The following SEPTIN11 variants were observed in gnomAD, a reference collection of about 807,000 sequenced individuals.
SEPTIN11 encodes septin-11.
SEPTIN11 carries 25 observed loss-of-function variants against 51.4 expected under a neutral mutation model. The observed-to-expected ratio is 0.49, with a 90% CI of 0.35 to 0.68. The LOEUF (loss-of-function observed/expected upper bound fraction) is 0.68. Among genes scored for constraint, SEPTIN11 ranks in the 30% least tolerant of loss-of-function variants. The probability of loss-of-function intolerance (pLI) is 0.00; values close to 1 mark genes in which losing one functional copy is unlikely to be tolerated. For missense variants in SEPTIN11, 381 were observed against 520.8 expected (o/e 0.73, Z 2.61); for synonymous variants, 174 against 184.1 (o/e 0.95, Z 0.44).
At chr4:77,031,060 T>C (rs1217038061) in intron 9 of SEPTIN11, 90 bp downstream of exon 9, 1 of 1,202,568 alleles carries the variant, frequency 8.3e-7, no homozygotes, top group Admixed American at 2.9e-5. Context: ...GACTGGAAAC[T>C]GGTCCTTTAC....
In SEPTIN11 at chr4:76,969,995, C is replaced by T. The variant is rs556580646; in HGVS notation, c.27+20065C>T. ...ATTTCTGCAAAAATGCCCTTCCATACTTCTGTTCCCTTCAGAATAAATAAC... is the reference window on the plus strand; with the variant it reads ...ATTTCTGCAAAAATGCCCTTCCATATTTCTGTTCCCTTCAGAATAAATAAC... On this transcript the variant is annotated intron_variant, in intron 1 of 9. Transcript: ENST00000264893. Among the ~76,000 whole-genome samples the T allele has an allele frequency of 2.0e-5, 3 of 152,280 alleles. No homozygotes were observed. The East Asian group carries it at 5.8e-4, about 29-fold the overall frequency.
At position 77,037,473 on chromosome 4, in the gene SEPTIN11, A is replaced by T; in HGVS notation, c.*2961A>T. On this transcript the variant is annotated 3_prime_UTR_variant, in exon 10 of 10. Transcript: ENST00000264893. ...CAAGGCAAATAAAGCCAGAATGAGA[A>T]ATTACCATCTTCTACTAGAGAAAAC... The T allele has an allele frequency of 1.0e-6, 1 of 985,362 alleles. No individual in the cohort carries two copies. The highest frequency in any genetic ancestry group is 1.2e-6 in the Non-Finnish European group (1 of 829,864). 61.0% of individuals were successfully genotyped at this position (985,362 alleles called of 1,614,324 possible).
intron 5 of SEPTIN11, among the ~76,000 whole-genome samples, chr4:77,018,567 T>C (rs564710962): frequency 2.0e-5 from 3 of 152,202 alleles, no homozygotes; most frequent in Non-Finnish European, 4.4e-5. Flanking sequence ...TGTATTTACA[T>C]TTTGTAAAAT....
At chr4:76,977,061 A>G (rs979717799) in intron 1 of SEPTIN11, among the ~76,000 whole-genome samples, 1 of 152,190 alleles carries the variant, frequency 6.6e-6, no homozygotes, top group Admixed American at 6.5e-5. Context: ...AGAAGAGTAT[A>G]GTGTTCTAAA....
At chr4:76,958,777 C>T (rs1721673153) in intron 1 of SEPTIN11, 1 of 830,160 alleles carries the variant, frequency 1.2e-6, no homozygotes, top group African/African-American at 1.7e-5. Context: ...TTATAATCTT[C>T]ATACTTTATG....
intron 1 of SEPTIN11, among the ~76,000 whole-genome samples, chr4:76,970,240 T>A (rs1470597232): frequency 6.6e-6 from 1 of 152,248 alleles, no homozygotes; most frequent in East Asian, 1.9e-4. Flanking sequence ...ACTAGTTTTC[T>A]GAATTCCCAT....
At position 77,035,883 on chromosome 4, in the gene SEPTIN11, C is replaced by T. The variant is rs945601320; in HGVS notation, c.*1371C>T. 1.0e-6 allele frequency: 1 copy of T among 985,746 alleles called. No individual in the cohort carries two copies. Among genetic ancestry groups the T allele is most frequent in the African/African-American group, 1.7e-5 (1 of 57,230 alleles). 61.1% of individuals were successfully genotyped at this position (985,746 alleles called of 1,614,324 possible). A position where few individuals can be genotyped will look rare whatever the true frequency, so the allele number is the denominator to read the frequency against. On this transcript the variant is annotated 3_prime_UTR_variant, in exon 10 of 10. Coordinates refer to ENST00000264893, the MANE Select transcript of SEPTIN11 (RefSeq NM_018243.4). ...CTGTGTGATTGTTTTTTCCCCTCTA[C>T]TAACAAGATCCTCCCAGCTTTCTCT... is the stretch of plus-strand genomic sequence containing the variant.
At chr4:76,998,729 T>G (rs556850002) in intron 2 of SEPTIN11, among the ~76,000 whole-genome samples, 1,858 of 152,270 alleles carry the variant, frequency 0.012, 38 homozygotes, top group African/African-American at 0.042. Flanking sequence ...ATCCTGCTTC[T>G]GCTTGCTTCA....
chr4:77,039,280 A>T, downstream of SEPTIN11: 1 of 1,110,270 alleles, frequency 9.0e-7, no homozygotes, highest in Non-Finnish European at 1.1e-6. Context: ...TACTGAAGTG[A>T]CTTACCACTA....
chr4:77,021,068 GC>G (rs1725684058), intron 7 of SEPTIN11: 2 of 159,942 alleles, frequency 1.3e-5, no homozygotes, highest in Non-Finnish European at 2.7e-5. Flanking sequence ...ATTACAGTTT[GC>G]CCCATTCATT....
chr4:76,975,753 T>TA (rs1553968272), intron 1 of SEPTIN11, among the ~76,000 whole-genome samples: 1 of 152,204 alleles, frequency 6.6e-6, no homozygotes, highest in Non-Finnish European at 1.5e-5. Context: ...AGGATTCTCT[T>TA]ACCAAATTTT....
In SEPTIN11 at chr4:77,026,234, T is replaced by A. The variant is rs1178541720; in HGVS notation, c.954-2395T>A. ...ATCAGTGAACTGCCTAAATTTTCCA[T>A]GATCAGACAAATTTGGAGGATTCTA... On this transcript the variant is annotated intron_variant, in intron 7 of 9. Coordinates refer to ENST00000264893, the MANE Select transcript of SEPTIN11 (RefSeq NM_018243.4). 3.3e-5 allele frequency among the ~76,000 whole-genome samples: 5 copies of A among 152,308 alleles called. No homozygotes were observed. In the East Asian group the frequency reaches 9.6e-4, roughly 29 times the overall value.
chr4:77,039,472 G>A, downstream of SEPTIN11: 1 of 992,814 alleles, frequency 1.0e-6, no homozygotes, highest in Non-Finnish European at 1.2e-6. Context: ...TAACCTGAGG[G>A]GGCCACCACA....
downstream of SEPTIN11, chr4:77,039,571 C>A (rs1354335436): frequency 1.0e-6 from 1 of 985,240 alleles, no homozygotes; most frequent in African/African-American, 1.7e-5. Context: ...GGATCCTCAA[C>A]CGTCAGGTCA....
In SEPTIN11 at chr4:77,035,140, C is replaced by T. The variant is rs1726942571; in HGVS notation, c.*628C>T. ...TGTCTCCTCTCATGGTTTGAAACTG[C>T]ATCTGAATGCCTGCCTTCAATCCTG... On this transcript the variant is annotated 3_prime_UTR_variant, in exon 10 of 10. Transcript: ENST00000264893. 9 of 985,450 alleles carry T rather than the reference C, an allele frequency of 9.1e-6. No individual in the cohort carries two copies. Among genetic ancestry groups the T allele is most frequent in the Non-Finnish European group, 1.1e-5 (9 of 829,950 alleles). The allele number at this position is 985,450 out of a possible 1,614,324, so 61.0% of individuals were successfully genotyped here.
intron 1 of SEPTIN11, among the ~76,000 whole-genome samples, chr4:76,967,108 A>AAT (rs1722065221): frequency 6.6e-6 from 1 of 151,934 alleles, no homozygotes; most frequent in Non-Finnish European, 1.5e-5. Flanking sequence ...GAGGCACGAG[A>AAT]ATTGCTTGAG....
chr4:76,959,266 TTTAA>T (rs1270815253), intron 1 of SEPTIN11: 10 of 161,752 alleles, frequency 6.2e-5, no homozygotes, highest in African/African-American at 1.5e-4. Context: ...TTTTTTTTTT[TTTAA>T]AAATAATAAT....
intron 3 of SEPTIN11, among the ~76,000 whole-genome samples, chr4:77,008,918 G>A (rs1050471148): frequency 2.0e-5 from 3 of 152,220 alleles, no homozygotes; most frequent in Admixed American, 1.3e-4. Context: ...TTGGGATTAA[G>A]CTTCCTATCT....
intron 1 of SEPTIN11, among the ~76,000 whole-genome samples, chr4:76,966,522 A>G (rs989793108): frequency 6.6e-6 from 1 of 151,800 alleles, no homozygotes; most frequent in Non-Finnish European, 1.5e-5. Context: ...TTTCTAATAG[A>G]CCAAATTTAA....
Sources: allele counts gnomAD v4.1 joint callset (sites outside exome capture counted in the v4.1 genomes callset), GRCh38; gene constraint gnomAD v4.1.1; transcripts MANE v1.5; gene names NCBI Gene and HGNC (gene_info 2026-07-23, HGNC 2026-07-21).